The following CDC26 variants were observed in gnomAD, a reference collection of about 807,000 sequenced individuals.
The protein encoded by CDC26 is anaphase-promoting complex subunit CDC26.
In CDC26, 2 loss-of-function variants were observed where a neutral mutation model predicts 8.0. That is an observed-to-expected ratio of 0.25 (90% CI 0.10 to 0.79). The LOEUF is 0.79. Ranked by LOEUF, CDC26 falls within the 30% of genes least tolerant of loss-of-function variation. The probability of loss-of-function intolerance (pLI) is 0.70; values close to 1 mark genes in which losing one functional copy is unlikely to be tolerated. For missense variants in CDC26, 68 were observed against 106.0 expected (o/e 0.64, Z 1.57); for synonymous variants, 19 against 34.9 (o/e 0.55, Z 1.60).
At chr9:113,273,790 T>C (rs1831998860) in intron 1 of CDC26, among the ~76,000 whole-genome samples, 2 of 124,916 alleles carry the variant, frequency 1.6e-5, no homozygotes, top group Non-Finnish European at 3.1e-5. Flanking sequence ...GTTGCCACCG[T>C]GAGCCATGAC....
At chr9:113,268,943 CAG>C (rs1330763211) in intron 3 of CDC26, among the ~76,000 whole-genome samples, 4 of 152,126 alleles carry the variant, frequency 2.6e-5, no homozygotes, top group African/African-American at 4.8e-5. Context: ...TTAGTAGAGA[CAG>C]GGTTTCAACA....
At chr9:113,274,742 G>A (rs1039769645) in intron 1 of CDC26, among the ~76,000 whole-genome samples, 1 of 152,146 alleles carries the variant, frequency 6.6e-6, no homozygotes, top group Non-Finnish European at 1.5e-5. Context: ...GCTGTTGTAG[G>A]AAGTCAATAA....
intron 3 of CDC26, among the ~76,000 whole-genome samples, chr9:113,270,878 C>T (rs570733693): frequency 2.2e-4 from 34 of 152,108 alleles, no homozygotes; most frequent in Middle Eastern, 3.4e-3. Flanking sequence ...GAGTTTTAAA[C>T]GGGAATGACA....
At chr9:113,272,388 G>A (rs1319781386) in intron 3 of CDC26, 39 bp downstream of exon 3, 5 of 1,463,416 alleles carry the variant, frequency 3.4e-6, no homozygotes, top group South Asian at 1.1e-5. Context: ...GTGACAGAGC[G>A]AGACTCCATC....
chr9:113,275,008 C>T (rs1315151707), intron 1 of CDC26, among the ~76,000 whole-genome samples: 2 of 152,132 alleles, frequency 1.3e-5, no homozygotes, highest in Non-Finnish European at 2.9e-5. Flanking sequence ...TCATCTTACT[C>T]TCAATCTGAT....
intron 3 of CDC26, 82 bp from the exon 4 acceptor site, chr9:113,267,521 G>T: frequency 6.8e-7 from 1 of 1,473,488 alleles, no homozygotes; most frequent in East Asian, 2.3e-5. Context: ...CATGTACTAG[G>T]CATGGGCTAA....
chr9:113,267,890 G>A (rs1831888042), intron 3 of CDC26, among the ~76,000 whole-genome samples: 1 of 152,170 alleles, frequency 6.6e-6, no homozygotes, highest in Non-Finnish European at 1.5e-5. Flanking sequence ...GGGAGGCTGA[G>A]GCAGGAGAAT....
At chr9:113,268,737 G>A (rs1165654262) in intron 3 of CDC26, among the ~76,000 whole-genome samples, 1 of 152,054 alleles carries the variant, frequency 6.6e-6, no homozygotes, top group Non-Finnish European at 1.5e-5. Context: ...GCAACATAGT[G>A]ACACTCCATC....
intron 1 of CDC26, among the ~76,000 whole-genome samples, 183 bp from the exon 2 acceptor site, chr9:113,273,621 G>A (rs1052282756): frequency 1.3e-5 from 2 of 152,000 alleles, no homozygotes; most frequent in Non-Finnish European, 2.9e-5. Flanking sequence ...CAGGCAGAGA[G>A]AAGAATGCAC....
chr9:113,267,576 T>C, intron 3 of CDC26, 137 bp from the exon 4 acceptor site: 2 of 1,142,130 alleles, frequency 1.8e-6, no homozygotes, highest in East Asian at 4.8e-5. Flanking sequence ...AAATCCTAGG[T>C]TTGGAGTACT....
chr9:113,274,067 C>T (rs570277628), intron 1 of CDC26, among the ~76,000 whole-genome samples: 11 of 152,214 alleles, frequency 7.2e-5, no homozygotes, highest in Non-Finnish European at 1.2e-4. Flanking sequence ...TCTTGAGCAC[C>T]GTGCTGTTTT....
chr9:113,267,684 C>A (rs1290617287), intron 3 of CDC26, among the ~76,000 whole-genome samples: 2 of 151,964 alleles, frequency 1.3e-5, no homozygotes, highest in African/African-American at 4.8e-5. Flanking sequence ...GAAACCCTAT[C>A]TCTACTAAAA....
At chr9:113,268,900 G>A (rs570623275) in intron 3 of CDC26, among the ~76,000 whole-genome samples, 22 of 152,266 alleles carry the variant, frequency 1.4e-4, no homozygotes, top group East Asian at 7.7e-4. Context: ...GACTACAGGC[G>A]CATGCCAGCA....
At chr9:113,272,157 C>G (rs1409474261) in intron 3 of CDC26, among the ~76,000 whole-genome samples, 1 of 152,134 alleles carries the variant, frequency 6.6e-6, no homozygotes. Flanking sequence ...GTGGCTCACG[C>G]GTGTAATCCC....
At chr9:113,273,619 G>A (rs1238606743) in intron 1 of CDC26, among the ~76,000 whole-genome samples, 181 bp from the exon 2 acceptor site, 2 of 152,160 alleles carry the variant, frequency 1.3e-5, no homozygotes, top group South Asian at 2.1e-4. Context: ...GTCAGGCAGA[G>A]AGAAGAATGC....
chr9:113,273,983 T>C (rs1832007417), intron 1 of CDC26, among the ~76,000 whole-genome samples: 1 of 152,230 alleles, frequency 6.6e-6, no homozygotes, highest in Admixed American at 6.5e-5. Context: ...CATTTGTATA[T>C]TCTCCACAGC....
intron 3 of CDC26, among the ~76,000 whole-genome samples, chr9:113,267,767 T>C (rs1831886086): frequency 6.6e-6 from 1 of 151,934 alleles, no homozygotes; most frequent in Non-Finnish European, 1.5e-5. Context: ...GGCGAGCGGA[T>C]CACGAGGTCA....
intron 3 of CDC26, among the ~76,000 whole-genome samples, chr9:113,267,770 C>T (rs1168209155): frequency 1.3e-5 from 2 of 152,028 alleles, no homozygotes; most frequent in East Asian, 1.9e-4. Flanking sequence ...GAGCGGATCA[C>T]GAGGTCAGGA....
Position 113,275,452 on chromosome 9 carries a change from C to A in CDC26, c.-222G>T. On this transcript the variant is annotated 5_prime_UTR_variant, in exon 1 of 4. Transcript: ENST00000374206. ...CCCAACGAAACTACTGCTAAGCCAACTGGACTACACTTCCCAGACTGCTTG... is the reference window on the plus strand; with the variant it reads ...CCCAACGAAACTACTGCTAAGCCAAATGGACTACACTTCCCAGACTGCTTG... 1 of 392,602 alleles carries A rather than the reference C, an allele frequency of 2.5e-6. No individual in the cohort carries two copies. The highest frequency in any genetic ancestry group is 4.6e-6 in the Non-Finnish European group (1 of 217,414). 24.3% of individuals were successfully genotyped at this position (392,602 alleles called of 1,614,324 possible). A position where few individuals can be genotyped will look rare whatever the true frequency, so the allele number is the denominator to read the frequency against.
Sources: gnomAD v4.1 joint callset for allele counts (sites outside exome capture counted in the v4.1 genomes callset) on GRCh38, gnomAD v4.1.1 for gene constraint, MANE v1.5 for transcripts, NCBI Gene and HGNC (gene_info 2026-07-23, HGNC 2026-07-21) for gene names.